Variants in NLRP13 observed in about 807,000 individuals in gnomAD.
NLRP13 encodes the protein NLR family pyrin domain containing 13, also known as NACHT, LRR and PYD domains-containing protein 13.
A neutral mutation model predicts 94.4 loss-of-function variants in NLRP13; 82 were observed. That is an observed-to-expected ratio of 0.87 (90% CI 0.73 to 1.04). NLRP13 has a LOEUF of 1.04. NLRP13 is among the 50% of genes least tolerant of loss of function. The pLI, the probability that NLRP13 is intolerant of heterozygous loss-of-function variation, is 0.00. For synonymous variants in NLRP13, 553 were observed against 464.7 expected (o/e 1.19, Z -2.45); for missense variants, 1,426 against 1,230.8 (o/e 1.16, Z -2.37).
intron 4 of NLRP13, among the ~76,000 whole-genome samples, chr19:55,921,678 C>T (rs1211798256): frequency 1.3e-5 from 2 of 152,130 alleles, no homozygotes; most frequent in Non-Finnish European, 2.9e-5. Context: ...GGAACTTATC[C>T]TGGATTATCT....
intron 8 of NLRP13, among the ~76,000 whole-genome samples, chr19:55,903,870 C>A (rs909915103): frequency 1.3e-5 from 2 of 152,154 alleles, no homozygotes; most frequent in Admixed American, 6.5e-5. Flanking sequence ...GTATTTTTGT[C>A]CGGACTGTAG....
At chr19:55,925,816 T>A (rs1237751148) in intron 1 of NLRP13, among the ~76,000 whole-genome samples, 1 of 152,146 alleles carries the variant, frequency 6.6e-6, no homozygotes, top group Non-Finnish European at 1.5e-5. Flanking sequence ...ACATGGCTTG[T>A]TCTGGTTAGC....
intron 7 of NLRP13, 33 bp downstream of exon 7, chr19:55,907,759 C>A: frequency 6.2e-7 from 1 of 1,609,502 alleles, no homozygotes; most frequent in African/African-American, 1.3e-5. Flanking sequence ...TCTTGCAACC[C>A]CCCTTGACAG....
intron 8 of NLRP13, among the ~76,000 whole-genome samples, chr19:55,902,747 C>T (rs34497554): frequency 0.16 from 24,500 of 151,688 alleles, 2,107 homozygotes; most frequent in African/African-American, 0.19. Flanking sequence ...GCATGTATTG[C>T]ATAATATGTG....
At position 55,923,825 on chromosome 19, in the gene NLRP13, G is replaced by A. The variant is rs1232211304; in HGVS notation, c.523+89C>T. On this transcript the variant is annotated intron_variant, in intron 4 of 10. Transcript: ENST00000342929. The stretch of plus-strand genomic sequence containing the variant: ...TTGCATACCATAAACTGAAGAAAAT[G>A]TCAGTATGAGGCAACTCTACTATGG... The A allele has an allele frequency of 1.5e-5, 13 of 891,224 alleles. No individual in the cohort carries two copies. The South Asian group carries it at 1.5e-4, about 10-fold the overall frequency. The allele number at this position is 891,224 out of a possible 1,614,324, so 55.2% of individuals were successfully genotyped here. A position where few individuals can be genotyped will look rare whatever the true frequency, so the allele number is the denominator to read the frequency against.
intron 5 of NLRP13, among the ~76,000 whole-genome samples, chr19:55,911,460 C>T (rs944390282): frequency 1.3e-5 from 2 of 152,186 alleles, no homozygotes; most frequent in Non-Finnish European, 2.9e-5. Flanking sequence ...ATGCCTGGTA[C>T]TTAAACCCTC....
At chr19:55,919,643 A>AT (rs1986763878) in intron 4 of NLRP13, among the ~76,000 whole-genome samples, 1 of 152,262 alleles carries the variant, frequency 6.6e-6, no homozygotes, top group South Asian at 2.1e-4. Context: ...TAAGGAATAT[A>AT]TTCAACCAAA....
At chr19:55,925,444 C>T (rs925112287) in intron 1 of NLRP13, among the ~76,000 whole-genome samples, 1 of 152,230 alleles carries the variant, frequency 6.6e-6, no homozygotes, top group Non-Finnish European at 1.5e-5. Flanking sequence ...CCTTTTAACA[C>T]ACCATGTGAT....
chr19:55,902,471 A>C (rs957398000), intron 8 of NLRP13, among the ~76,000 whole-genome samples: 2 of 152,046 alleles, frequency 1.3e-5, no homozygotes, highest in Non-Finnish European at 2.9e-5. Flanking sequence ...GAAAAAAAAA[A>C]CTTTCAAGGC....
In NLRP13 at chr19:55,924,633, T is replaced by C. The variant is rs772333111; in HGVS notation, c.414A>G (p.Gln138=). 3.1e-6 allele frequency: 5 copies of C among 1,613,744 alleles called. No individual in the cohort carries two copies. In the Admixed American group the frequency reaches 8.3e-5, roughly 27 times the overall value. The part of the protein sequence containing the change: ...AAGNMQTQGC[Q]DPNQEELDEL... ...CGTCTAGTTCTTCTTGGTTTGGATCTTGGCATCCCTGGGTCTGCATATTCC... is the reference window on the plus strand; with the variant it reads ...CGTCTAGTTCTTCTTGGTTTGGATCCTGGCATCCCTGGGTCTGCATATTCC... Residue 138 remains glutamine (Q), a synonymous_variant, in exon 3 of 11, where the codon CAA becomes CAG. Coordinates refer to ENST00000342929, the MANE Select transcript of NLRP13 (RefSeq NM_176810.2).
chr19:55,900,176 G>T (rs1164115199), intron 9 of NLRP13, among the ~76,000 whole-genome samples: 3 of 151,778 alleles, frequency 2.0e-5, no homozygotes, highest in Non-Finnish European at 4.4e-5. Flanking sequence ...ACAATAAAAC[G>T]ATTAAAGTTT....
chr19:55,914,552 C>T (rs948827634), intron 4 of NLRP13, among the ~76,000 whole-genome samples: 9 of 152,116 alleles, frequency 5.9e-5, no homozygotes, highest in African/African-American at 2.2e-4. Context: ...GTAACTATTA[C>T]ATATCTGCAA....
intron 9 of NLRP13, among the ~76,000 whole-genome samples, chr19:55,899,509 C>T (rs533865817): frequency 2.1e-3 from 318 of 152,030 alleles, no homozygotes; most frequent in African/African-American, 6.9e-3. Flanking sequence ...TGGCCGGGCA[C>T]GGTGGCTCAC....
Position 55,912,609 on chromosome 19 carries a change from C to G in NLRP13, c.1208G>C (p.Ser403Thr). 1.9e-6 allele frequency: 3 copies of G among 1,614,178 alleles called. No homozygotes were observed. The highest frequency in any genetic ancestry group is 2.5e-6 in the Non-Finnish European group (3 of 1,180,020). The part of the protein sequence containing the change: ...VYFMRHFDDS[S>T]EVEKILQQLR... ...CTGCTGCAGGATTTTCTCAACTTCACTTGAGTCATCAAAGTGTCTCATGAA... is the reference window on the plus strand; with the variant it reads ...CTGCTGCAGGATTTTCTCAACTTCAGTTGAGTCATCAAAGTGTCTCATGAA... The change falls in exon 5 of 11, where the codon AGT becomes ACT. Residue 403 changes from serine to threonine, a missense_variant. Transcript: ENST00000342929.
chr19:55,925,194 T>C (rs1244495871), intron 1 of NLRP13, among the ~76,000 whole-genome samples, 159 bp from the exon 2 acceptor site: 3 of 152,236 alleles, frequency 2.0e-5, no homozygotes, highest in African/African-American at 7.2e-5. Flanking sequence ...CAACTGAAGA[T>C]GCAGTGTGCA....
At chr19:55,897,093 T>A (rs1383262447) in intron 10 of NLRP13, among the ~76,000 whole-genome samples, 1 of 152,198 alleles carries the variant, frequency 6.6e-6, no homozygotes, top group Non-Finnish European at 1.5e-5. Context: ...CTTTTTTCCA[T>A]CTTATTCTAA....
At chr19:55,895,438 T>G (rs1415731122), downstream of NLRP13, among the ~76,000 whole-genome samples, 4 of 151,628 alleles carry the variant, frequency 2.6e-5, no homozygotes, top group Non-Finnish European at 4.4e-5. Context: ...ATCCCAGCAC[T>G]TTGAGACGCC....
chr19:55,903,898 G>A (rs934153402), intron 8 of NLRP13, among the ~76,000 whole-genome samples: 1 of 152,142 alleles, frequency 6.6e-6, no homozygotes, highest in South Asian at 2.1e-4. Context: ...GTCCACAGCA[G>A]CCTGCATGAT....
intron 4 of NLRP13, among the ~76,000 whole-genome samples, chr19:55,918,794 C>A (rs915612097): frequency 2.0e-5 from 3 of 150,080 alleles, no homozygotes; most frequent in Non-Finnish European, 4.4e-5. Flanking sequence ...ACAAGACATA[C>A]AAAGAAGAAC....
Sources: allele counts gnomAD v4.1 joint callset (sites outside exome capture counted in the v4.1 genomes callset), GRCh38; gene constraint gnomAD v4.1.1; transcripts MANE v1.5; gene names NCBI Gene and HGNC (gene_info 2026-07-23, HGNC 2026-07-21).